Variants in NUP160 observed in about 807,000 individuals in gnomAD.
NUP160 encodes nuclear pore complex protein Nup160.
A neutral mutation model predicts 196.9 loss-of-function variants in NUP160; 94 were observed. That is an observed-to-expected ratio of 0.48 (90% confidence interval 0.40 to 0.57). NUP160 has a LOEUF of 0.57. Among genes scored for constraint, NUP160 ranks in the 20% least tolerant of loss-of-function variants. NUP160 has a pLI of 0.00. For synonymous variants in NUP160, 605 were observed against 619.7 expected, an observed-to-expected ratio of 0.98 and a Z score of 0.35; for missense variants, 1,638 against 1,748.3, an observed-to-expected ratio of 0.94 and a Z score of 1.13.
At chr11:47,801,675 A>G in intron 23 of NUP160, 136 bp downstream of exon 23, 1 of 843,726 alleles carries the variant, frequency 1.2e-6, no homozygotes, top group South Asian at 1.8e-5. Context: ...CTCTAGGCAA[A>G]TTCATTTTTT....
At chr11:47,828,392 C>A (rs1852013296) in intron 7 of NUP160, among the ~76,000 whole-genome samples, 1 of 151,952 alleles carries the variant, frequency 6.6e-6, no homozygotes, top group Admixed American at 6.6e-5. Flanking sequence ...ACAATAGCAT[C>A]AAAAAGAATC....
intron 34 of NUP160, among the ~76,000 whole-genome samples, chr11:47,782,303 A>AAAAAAAATAT (rs2097661658): frequency 2.5e-5 from 1 of 40,528 alleles, no homozygotes; most frequent in African/African-American, 1.2e-4. Flanking sequence ...AAAAAAAAAA[A>AAAAAAAATAT]ATATATATAT....
chr11:47,810,469 G>A (rs2097680464), intron 17 of NUP160, among the ~76,000 whole-genome samples: 1 of 151,926 alleles, frequency 6.6e-6, no homozygotes, highest in Non-Finnish European at 1.5e-5. Context: ...GGGACTATAG[G>A]TATGAGCCAC....
intron 9 of NUP160, chr11:47,820,296 A>G (rs1388032748): frequency 6.6e-6 from 1 of 152,214 alleles, no homozygotes; most frequent in African/African-American, 2.4e-5. Context: ...ACCAGCCAAA[A>G]ATTGTTTTGT....
intron 23 of NUP160, among the ~76,000 whole-genome samples, chr11:47,799,426 C>T (rs1405812715): frequency 2.0e-5 from 3 of 151,944 alleles, no homozygotes; most frequent in African/African-American, 4.8e-5. Context: ...AACGTCTGCC[C>T]GCTACCCTAA....
At chr11:47,821,877 C>T (rs1035675051) in intron 8 of NUP160, 56 bp from the exon 9 acceptor site, 39 of 1,365,118 alleles carry the variant, frequency 2.9e-5, no homozygotes, top group East Asian at 2.3e-4. Flanking sequence ...TAGTAGTTCA[C>T]GGTGACTTAC....
chr11:47,813,427 A>G lies in NUP160; in HGVS notation c.1687-12T>C, dbSNP rs777348980. Reference sequence around the variant, plus strand: ...AAAGACAGGTACCCCTGGAAATACAAATTTTCCAGTTACATTTTTGTCAGT... The same window carrying G: ...AAAGACAGGTACCCCTGGAAATACAGATTTTCCAGTTACATTTTTGTCAGT... On this transcript the variant is annotated splice_polypyrimidine_tract_variant and intron_variant, in intron 13 of 35. Transcript: ENST00000378460. The G allele has an allele frequency of 6.5e-7, 1 of 1,538,928 alleles. No individual in the cohort carries two copies. Among genetic ancestry groups the G allele is most frequent in the South Asian group, 1.1e-5 (1 of 88,540 alleles).
At chr11:47,835,754 T>C (rs1248050481) in exon 7 of NUP160, 1 of 1,604,312 alleles carries the variant, frequency 6.2e-7, no homozygotes, top group Non-Finnish European at 8.5e-7. Flanking sequence ...AAGCCGAAGG[T>C]CTTTCTTCAC....
intron 33 of NUP160, among the ~76,000 whole-genome samples, chr11:47,784,006 TA>T (rs55761726): frequency 0.93 from 136,318 of 146,966 alleles, 63,985 homozygotes; most frequent in Non-Finnish European, 1. Flanking sequence ...CTTTCTACCT[TA>T]AAAAAAAAAC....
Position 47,784,906 on chromosome 11 carries a change from G to C in NUP160, c.3990+16C>G, listed in dbSNP as rs2135342323. ...AAGAGTGGGTTCTTACTCTGTACAAGTTATAATCCGTTTACCTTGTAACTG... is the reference window on the plus strand; with the variant it reads ...AAGAGTGGGTTCTTACTCTGTACAACTTATAATCCGTTTACCTTGTAACTG... On this transcript the variant is annotated intron_variant, in intron 33 of 35. Transcript: ENST00000378460. 8.3e-6 allele frequency: 13 copies of C among 1,562,180 alleles called. No homozygotes were observed. In the East Asian group the frequency reaches 3.0e-4, roughly 36 times the overall value.
At chr11:47,827,294 GTGGAGGT>G in intron 7 of NUP160, 1 of 375,928 alleles carries the variant, frequency 2.7e-6, no homozygotes, top group South Asian at 1.9e-5. Flanking sequence ...AACCTGAGAG[GTGGAGGT>G]TGCAGTGAGC....
chr11:47,780,845 C>T (rs1486329172), intron 34 of NUP160, among the ~76,000 whole-genome samples: 1 of 152,012 alleles, frequency 6.6e-6, no homozygotes, highest in Non-Finnish European at 1.5e-5. Flanking sequence ...CATTTTTTCC[C>T]CCAACCACAA....
At chr11:47,840,636 G>A (rs1852277252) in intron 2 of NUP160, 48 bp from the exon 3 acceptor site, 1 of 1,396,888 alleles carries the variant, frequency 7.2e-7, no homozygotes, top group Non-Finnish European at 9.8e-7. Context: ...TTTTCTCACT[G>A]ACTGTTCTAC....
exon 28 of NUP160, chr11:47,792,796 G>C: frequency 1.2e-6 from 2 of 1,611,568 alleles, no homozygotes; most frequent in East Asian, 2.2e-5. Context: ...CACTGCACCA[G>C]ACACTGGCTG....
In NUP160 at chr11:47,808,216, G is replaced by A. The variant is rs140039776; in HGVS notation, c.2375+180C>T. ...GAATCACTTGAACCTGGGAGGCGGAGGTTGCAGTGAGCCGAGATCATGCCA... is the reference window on the plus strand; with the variant it reads ...GAATCACTTGAACCTGGGAGGCGGAAGTTGCAGTGAGCCGAGATCATGCCA... On this transcript the variant is annotated intron_variant, in intron 18 of 35. Coordinates refer to ENST00000378460, the Ensembl canonical transcript of NUP160. Among the ~76,000 whole-genome samples the A allele has an allele frequency of 9.2e-3, 1,398 of 152,262 alleles. 26 individuals carry two copies. Among genetic ancestry groups the A allele is most frequent in the African/African-American group, 0.032 (1,337 of 41,530 alleles).
intron 11 of NUP160, among the ~76,000 whole-genome samples, chr11:47,817,638 C>G (rs891741717): frequency 6.6e-6 from 1 of 152,208 alleles, no homozygotes; most frequent in Non-Finnish European, 1.5e-5. Context: ...AGCCACCACG[C>G]CCGGCCTAGA....
At chr11:47,794,739 C>T (rs1030208837) in intron 27 of NUP160, among the ~76,000 whole-genome samples, 4 of 151,900 alleles carry the variant, frequency 2.6e-5, no homozygotes, top group African/African-American at 9.7e-5. Context: ...GTGAAACCCT[C>T]TCTCTACTAA....
At chr11:47,783,469 C>T (rs2097662683) in intron 33 of NUP160, among the ~76,000 whole-genome samples, 1 of 152,116 alleles carries the variant, frequency 6.6e-6, no homozygotes, top group African/African-American at 2.4e-5. Context: ...TGTTTTATGA[C>T]CTAAGACATA....
chr11:47,811,934 G>A, intron 17 of NUP160, 130 bp downstream of exon 17: 2 of 721,896 alleles, frequency 2.8e-6, no homozygotes, highest in South Asian at 1.9e-5. Flanking sequence ...ATAAGGCCAA[G>A]CTTGGGAGAA....
Sources: allele counts gnomAD v4.1 joint callset (sites outside exome capture counted in the v4.1 genomes callset), GRCh38; gene constraint gnomAD v4.1.1; transcripts MANE v1.5; gene names NCBI Gene and HGNC (gene_info 2026-07-23, HGNC 2026-07-21).